The following ITPR1 variants were observed in gnomAD, a reference collection of about 807,000 sequenced individuals.
The protein encoded by ITPR1 is inositol 1,4,5-trisphosphate receptor type 1.
A neutral mutation model predicts 318.4 loss-of-function variants in ITPR1; 96 were observed. That is an observed-to-expected ratio of 0.30 (90% CI 0.26 to 0.36). ITPR1 has a LOEUF of 0.36. ITPR1 is among the 10% of genes least tolerant of loss of function. The pLI, the probability that ITPR1 is intolerant of heterozygous loss-of-function variation, is 1.00. For synonymous variants in ITPR1, 1,312 were observed against 1,289.9 expected, an observed-to-expected ratio of 1.02 and a Z score of -0.37; for missense variants, 2,440 against 3,460.2, an observed-to-expected ratio of 0.71 and a Z score of 7.40.
chr3:4,718,785 T>G (rs1272071061), intron 40 of ITPR1, among the ~76,000 whole-genome samples: 2 of 152,220 alleles, frequency 1.3e-5, no homozygotes, highest in African/African-American at 4.8e-5. Flanking sequence ...TGCCGTTAAC[T>G]GCAGGGAATT....
rs572143815 is a variant in ITPR1 at position 4,582,541 on chromosome 3, T to C, written c.164-45222T>C. ...CTCTATTCTGCTGAGATTTGTGTTATCAGCTCCACACTTCAAGGACAAAAA... is the reference window on the plus strand; with the variant it reads ...CTCTATTCTGCTGAGATTTGTGTTACCAGCTCCACACTTCAAGGACAAAAA... On this transcript the variant is annotated intron_variant, in intron 4 of 61. Coordinates refer to ENST00000649015, the MANE Select transcript of ITPR1 (RefSeq NM_001378452.1). Among the ~76,000 whole-genome samples, 17 of 152,272 alleles carry C rather than the reference T, an allele frequency of 1.1e-4. No individual in the cohort carries two copies. The East Asian group carries it at 3.1e-3, about 28-fold the overall frequency.
At chr3:4,709,421 G>T (rs1314929773) in intron 37 of ITPR1, among the ~76,000 whole-genome samples, 1 of 152,086 alleles carries the variant, frequency 6.6e-6, no homozygotes, top group Admixed American at 6.6e-5. Context: ...TTAATTCTTT[G>T]TCAATCCCAA....
intron 12 of ITPR1, among the ~76,000 whole-genome samples, chr3:4,655,492 C>T (rs2093685635): frequency 6.6e-6 from 1 of 152,156 alleles, no homozygotes; most frequent in African/African-American, 2.4e-5. Flanking sequence ...GCCTCAATTC[C>T]TTCATCTATA....
chr3:4,802,662 T>C (rs879350052), intron 54 of ITPR1, among the ~76,000 whole-genome samples: 13 of 150,236 alleles, frequency 8.7e-5, no homozygotes, highest in Non-Finnish European at 1.5e-4. Context: ...CCCTCTCTAC[T>C]AAAAAAAAAT....
At chr3:4,792,120 C>G (rs1156546448) in intron 52 of ITPR1, among the ~76,000 whole-genome samples, 1 of 152,172 alleles carries the variant, frequency 6.6e-6, no homozygotes, top group African/African-American at 2.4e-5. Context: ...TAGAGCATTT[C>G]TCATGCTGTG....
chr3:4,640,615 A>G (rs1486020428), intron 6 of ITPR1, among the ~76,000 whole-genome samples: 2 of 152,246 alleles, frequency 1.3e-5, no homozygotes, highest in African/African-American at 2.4e-5. Flanking sequence ...GGCTAAGGAC[A>G]TAAACTTTTA....
chr3:4,784,211 T>A (rs1043065503), intron 51 of ITPR1, among the ~76,000 whole-genome samples: 1 of 151,962 alleles, frequency 6.6e-6, no homozygotes, highest in Non-Finnish European at 1.5e-5. Context: ...CTGTAGATCG[T>A]GGTGGTCACA....
chr3:4,781,252 G>A (rs544616231), intron 49 of ITPR1, among the ~76,000 whole-genome samples: 4 of 152,190 alleles, frequency 2.6e-5, no homozygotes, highest in Non-Finnish European at 4.4e-5. Flanking sequence ...GAATGGCCTC[G>A]TGGCAATGGG....
chr3:4,728,334 G>T (rs1030985321), intron 42 of ITPR1, among the ~76,000 whole-genome samples: 2 of 152,182 alleles, frequency 1.3e-5, no homozygotes, highest in African/African-American at 4.8e-5. Context: ...TTCACAAGTA[G>T]GACCTTGAGA....
In ITPR1 at chr3:4,633,978, C is replaced by T. The variant is rs180837176; in HGVS notation, c.280-5406C>T. Among the ~76,000 whole-genome samples, 3 of 152,282 alleles carry T rather than the reference C, an allele frequency of 2.0e-5. No homozygotes were observed. In the East Asian group the frequency reaches 5.8e-4, roughly 29 times the overall value. On this transcript the variant is annotated intron_variant, in intron 5 of 61. Transcript: ENST00000649015. ...ACTGTTTCAGTCACCTTTCTATTGT[C>T]ATTCGATAATAGTTTCTCTGTTGCT...
chr3:4,673,548 G>A (rs1435652375), intron 21 of ITPR1, among the ~76,000 whole-genome samples, 161 bp downstream of exon 21: 1 of 152,130 alleles, frequency 6.6e-6, no homozygotes, highest in Non-Finnish European at 1.5e-5. Flanking sequence ...CCTCAAGAAT[G>A]TGAAAGATGG....
intron 54 of ITPR1, among the ~76,000 whole-genome samples, chr3:4,805,583 T>A (rs1452556644): frequency 1.3e-5 from 2 of 152,080 alleles, no homozygotes. Flanking sequence ...TCCCTTATAT[T>A]TTTTTTCCCC....
chr3:4,683,373 T>C lies in ITPR1; in HGVS notation c.3162-13T>C. Reference sequence around the variant, plus strand: ...TCATTCATTTGGCCTTTCCCCACCTTGTGCTCCTTTAGTGAGGAGAACACC... The same window carrying C: ...TCATTCATTTGGCCTTTCCCCACCTCGTGCTCCTTTAGTGAGGAGAACACC... On this transcript the variant is annotated splice_polypyrimidine_tract_variant and intron_variant, in intron 26 of 61. Coordinates refer to ENST00000649015, the MANE Select transcript of ITPR1 (RefSeq NM_001378452.1). The C allele has an allele frequency of 6.2e-7, 1 of 1,614,002 alleles. No homozygotes were observed. The highest frequency in any genetic ancestry group is 8.5e-7 in the Non-Finnish European group (1 of 1,179,872).
intron 40 of ITPR1, among the ~76,000 whole-genome samples, chr3:4,718,987 C>T (rs531135738): frequency 2.6e-5 from 4 of 152,240 alleles, no homozygotes; most frequent in East Asian, 1.9e-4. Flanking sequence ...CAAATGAAGT[C>T]GGGAAAGGAA....
intron 53 of ITPR1, among the ~76,000 whole-genome samples, chr3:4,797,547 T>G (rs2047976960): frequency 6.6e-6 from 1 of 152,186 alleles, no homozygotes. Flanking sequence ...CCCCTCCACC[T>G]TTGTTTTAGA....
intron 4 of ITPR1, among the ~76,000 whole-genome samples, chr3:4,619,885 CTT>C (rs2092559322): frequency 6.9e-6 from 1 of 145,264 alleles, no homozygotes; most frequent in Non-Finnish European, 1.5e-5. Context: ...TTCCATTTCT[CTT>C]TGTTTTTTGT....
chr3:4,726,110 A>G (rs1296102121), intron 41 of ITPR1, among the ~76,000 whole-genome samples: 5 of 152,102 alleles, frequency 3.3e-5, no homozygotes, highest in Admixed American at 6.5e-5. Context: ...GCTCACTGCA[A>G]CCTCTGCCTC....
At chr3:4,824,768 G>A (rs970619978) in intron 60 of ITPR1, among the ~76,000 whole-genome samples, 1 of 152,108 alleles carries the variant, frequency 6.6e-6, no homozygotes, top group Admixed American at 6.5e-5. Context: ...GTGACTTTCC[G>A]AGCTGCTGCC....
chr3:4,782,834 T>G, intron 50 of ITPR1, 93 bp downstream of exon 50: 1 of 1,236,694 alleles, frequency 8.1e-7, no homozygotes, highest in Non-Finnish European at 1.1e-6. Context: ...TTTTCCTTTA[T>G]GACTTTAACC....
Sources: gnomAD v4.1 joint callset for allele counts (sites outside exome capture counted in the v4.1 genomes callset) on GRCh38, gnomAD v4.1.1 for gene constraint, MANE v1.5 for transcripts, NCBI Gene and HGNC (gene_info 2026-07-23, HGNC 2026-07-21) for gene names.